MLLT10: variants seen among roughly 807,000 people sequenced by gnomAD.
MLLT10 encodes the protein MLLT10 histone lysine methyltransferase DOT1L cofactor.
A neutral mutation model predicts 129.1 loss-of-function variants in MLLT10; 30 were observed. The observed-to-expected ratio is 0.23, with a 90% CI of 0.17 to 0.32. MLLT10 has a LOEUF of 0.32. MLLT10 is among the 10% of genes least tolerant of loss of function. The probability of loss-of-function intolerance (pLI) is 1.00; values close to 1 mark genes in which losing one functional copy is unlikely to be tolerated. For missense variants in MLLT10, 1,119 were observed against 1,268.3 expected (o/e 0.88, Z 1.79); for synonymous variants, 490 against 446.4 (o/e 1.10, Z -1.23).
At chr10:21,554,172 C>G (rs775811934) in intron 3 of MLLT10, among the ~76,000 whole-genome samples, 4 of 152,064 alleles carry the variant, frequency 2.6e-5, no homozygotes, top group Non-Finnish European at 4.4e-5. Flanking sequence ...CTCAGTTCTG[C>G]TTTGTTTGCC....
At chr10:21,708,862 T>C in intron 13 of MLLT10, 1 of 543,068 alleles carries the variant, frequency 1.8e-6, no homozygotes, top group Non-Finnish European at 2.3e-6. Context: ...AGATACATTT[T>C]TAATGAAAGC....
At chr10:21,560,532 G>C (rs1322794536) in intron 3 of MLLT10, among the ~76,000 whole-genome samples, 2 of 152,014 alleles carry the variant, frequency 1.3e-5, no homozygotes, top group African/African-American at 4.8e-5. Context: ...AACCTCCTGG[G>C]ATCAGGCAGT....
At chr10:21,583,303 A>AT (rs1564453513) in intron 3 of MLLT10, among the ~76,000 whole-genome samples, 1 of 152,194 alleles carries the variant, frequency 6.6e-6, no homozygotes, top group Non-Finnish European at 1.5e-5. Context: ...AATTTGGACA[A>AT]TGAGTAAGAT....
chr10:21,579,208 A>G (rs532634059), intron 3 of MLLT10, among the ~76,000 whole-genome samples: 1 of 152,250 alleles, frequency 6.6e-6, no homozygotes, highest in East Asian at 1.9e-4. Context: ...ATATTTTATG[A>G]TGAGAAATCT....
intron 3 of MLLT10, among the ~76,000 whole-genome samples, chr10:21,552,667 C>G (rs1000141295): frequency 1.2e-4 from 19 of 152,282 alleles, no homozygotes; most frequent in African/African-American, 4.6e-4. Flanking sequence ...GCTAGGATTA[C>G]AGGCGTGAGC....
At chr10:21,650,962 G>A (rs188675901) in intron 8 of MLLT10, among the ~76,000 whole-genome samples, 5 of 152,210 alleles carry the variant, frequency 3.3e-5, no homozygotes, top group Admixed American at 1.3e-4. Flanking sequence ...GGAAAATCTG[G>A]TACTGTTCAG....
chr10:21,616,782 T>C (rs1212966150), intron 7 of MLLT10, among the ~76,000 whole-genome samples: 1 of 152,080 alleles, frequency 6.6e-6, no homozygotes, highest in Non-Finnish European at 1.5e-5. Context: ...GCACCCTTTT[T>C]TAATACGGCA....
chr10:21,572,236 T>A (rs1170580252), intron 3 of MLLT10, among the ~76,000 whole-genome samples: 1 of 152,218 alleles, frequency 6.6e-6, no homozygotes, highest in Non-Finnish European at 1.5e-5. Context: ...TTCAGAAATC[T>A]TTATTCTGCT....
At chr10:21,705,952 G>A (rs1313577458) in intron 13 of MLLT10, among the ~76,000 whole-genome samples, 1 of 152,224 alleles carries the variant, frequency 6.6e-6, no homozygotes, top group African/African-American at 2.4e-5. Flanking sequence ...ATGTGGGAAT[G>A]TTGACAGCTG....
chr10:21,535,027 T>G (rs2033610611), intron 2 of MLLT10, among the ~76,000 whole-genome samples: 3 of 147,634 alleles, frequency 2.0e-5, no homozygotes, highest in Non-Finnish European at 4.5e-5. Flanking sequence ...CAAGTGTCAT[T>G]CGGCCGCCGC....
At chr10:21,556,165 G>A (rs759544068) in intron 3 of MLLT10, among the ~76,000 whole-genome samples, 3 of 151,580 alleles carry the variant, frequency 2.0e-5, no homozygotes, top group African/African-American at 4.8e-5. Flanking sequence ...TAGTAGAGAC[G>A]GGGTTTCGCC....
At chr10:21,722,826 G>A (rs903230454) in intron 14 of MLLT10, among the ~76,000 whole-genome samples, 4 of 152,138 alleles carry the variant, frequency 2.6e-5, no homozygotes, top group African/African-American at 7.2e-5. Context: ...AGCAGTGACA[G>A]TCATTTGTGT....
intron 8 of MLLT10, among the ~76,000 whole-genome samples, chr10:21,646,944 C>T (rs910484586): frequency 4.6e-5 from 7 of 151,958 alleles, no homozygotes; most frequent in African/African-American, 1.7e-4. Context: ...CAAGCTCCGC[C>T]TCTCGAGTTG....
At chr10:21,638,001 TG>T (rs998761017) in intron 8 of MLLT10, among the ~76,000 whole-genome samples, 1 of 152,116 alleles carries the variant, frequency 6.6e-6, no homozygotes, top group Non-Finnish European at 1.5e-5. Context: ...GGCTTCCCTT[TG>T]TCCTTCTGGA....
intron 3 of MLLT10, among the ~76,000 whole-genome samples, chr10:21,555,070 C>G (rs1001667096): frequency 6.6e-6 from 1 of 152,042 alleles, no homozygotes; most frequent in African/African-American, 2.4e-5. Flanking sequence ...ATCCACCCGC[C>G]TTGGCCTCCC....
rs1341885984 is a variant in MLLT10 at position 21,541,096 on chromosome 10, G to A, written c.240+2184G>A. 2.6e-5 allele frequency among the ~76,000 whole-genome samples: 4 copies of A among 152,034 alleles called. No individual in the cohort carries two copies. The South Asian group carries it at 6.2e-4, about 24-fold the overall frequency. On this transcript the variant is annotated intron_variant, in intron 3 of 22. Coordinates refer to ENST00000307729, the MANE Select transcript of MLLT10 (RefSeq NM_001195626.3). ...AATCGCTTGGACCTGGGAGGCAGAG[G>A]TTCCAGTGAGCTGAGGTTGCGCCAC...
At chr10:21,567,046 G>A (rs981595649) in intron 3 of MLLT10, among the ~76,000 whole-genome samples, 3 of 151,622 alleles carry the variant, frequency 2.0e-5, no homozygotes, top group African/African-American at 7.3e-5. Context: ...CTTCCGACTT[G>A]AGGTGATCCA....
intron 11 of MLLT10, among the ~76,000 whole-genome samples, chr10:21,680,020 C>G (rs1333087674): frequency 2.0e-5 from 3 of 152,086 alleles, no homozygotes; most frequent in African/African-American, 7.2e-5. Flanking sequence ...AGCCTTGGTC[C>G]TAGTTTTATC....
In MLLT10 at chr10:21,605,087, A is replaced by T. The variant is rs78883450; in HGVS notation, c.406-7261A>T. Among the ~76,000 whole-genome samples, 5 of 127,344 alleles carry T rather than the reference A, an allele frequency of 3.9e-5. No homozygotes were observed. In the East Asian group the frequency reaches 6.6e-4, roughly 17 times the overall value. The allele number at this position is 127,344 out of a possible 152,430, so 83.5% of individuals were successfully genotyped here. On this transcript the variant is annotated intron_variant, in intron 5 of 22. Transcript: ENST00000307729. ...CAACATAGTGAGACCCCATCTCTTT[A>T]AAAAAAAAAAAAAAAGAAAGAAATA...
Sources: allele counts gnomAD v4.1 joint callset (sites outside exome capture counted in the v4.1 genomes callset), GRCh38; gene constraint gnomAD v4.1.1; transcripts MANE v1.5; gene names NCBI Gene and HGNC (gene_info 2026-07-23, HGNC 2026-07-21).